Variants in FNIP2 observed in about 807,000 individuals in gnomAD.
The protein encoded by FNIP2 is folliculin interacting protein 2.
A neutral mutation model predicts 108.7 loss-of-function variants in FNIP2; 32 were observed. The observed-to-expected ratio is 0.29, with a 90% CI of 0.22 to 0.40. The LOEUF is 0.40. Among genes scored for constraint, FNIP2 ranks in the 10% least tolerant of loss-of-function variants. FNIP2 has a pLI of 1.00. For synonymous variants in FNIP2, 480 were observed against 496.7 expected, an observed-to-expected ratio of 0.97 and a Z score of 0.45; for missense variants, 1,202 against 1,381.6, an observed-to-expected ratio of 0.87 and a Z score of 2.06.
intron 1 of FNIP2, among the ~76,000 whole-genome samples, chr4:158,802,147 A>T (rs1323721475): frequency 6.6e-6 from 1 of 152,216 alleles, no homozygotes; most frequent in Non-Finnish European, 1.5e-5. Flanking sequence ...GCATCCCATA[A>T]CCTTTTTGTG....
intron 1 of FNIP2, chr4:158,805,984 A>G (rs1776934483): frequency 8.8e-6 from 3 of 341,238 alleles, no homozygotes; most frequent in Non-Finnish European, 9.3e-6. Context: ...TGATAGATGG[A>G]TCTGACTTCC....
At chr4:158,898,021 G>A (rs1459320986) in intron 16 of FNIP2, among the ~76,000 whole-genome samples, 1 of 152,192 alleles carries the variant, frequency 6.6e-6, no homozygotes, top group Non-Finnish European at 1.5e-5. Flanking sequence ...TGTAAAAGGT[G>A]TAATGAAGGG....
intron 5 of FNIP2, 126 bp downstream of exon 5, chr4:158,832,264 G>A (rs374117163): frequency 1.1e-5 from 8 of 720,654 alleles, no homozygotes; most frequent in African/African-American, 5.4e-5. Flanking sequence ...TTAACAAAGG[G>A]GCTTTAAAAG....
chr4:158,770,231 T>C (rs1213196642), intron 1 of FNIP2, among the ~76,000 whole-genome samples: 1 of 152,212 alleles, frequency 6.6e-6, no homozygotes, highest in African/African-American at 2.4e-5. Context: ...TTTCAAGGGC[T>C]AACTTTTAAA....
chr4:158,893,535 T>C (rs1365283013), intron 15 of FNIP2: 1 of 575,854 alleles, frequency 1.7e-6, no homozygotes, highest in Non-Finnish European at 3.1e-6. Context: ...GACAACACCT[T>C]TTTTCCAAAC....
intron 1 of FNIP2, among the ~76,000 whole-genome samples, chr4:158,774,081 CTG>C (rs367588849): frequency 4.6e-5 from 7 of 152,296 alleles, no homozygotes; most frequent in African/African-American, 1.7e-4. Context: ...GACTTCACCA[CTG>C]TGCAATCTAT....
chr4:158,875,246 C>A (rs1293999619), intron 14 of FNIP2, among the ~76,000 whole-genome samples: 1 of 152,046 alleles, frequency 6.6e-6, no homozygotes, highest in Admixed American at 6.5e-5. Context: ...AAAGCATTCA[C>A]TTTTGCTTTG....
At chr4:158,843,163 T>G (rs1194982668) in intron 7 of FNIP2, among the ~76,000 whole-genome samples, 1 of 152,132 alleles carries the variant, frequency 6.6e-6, no homozygotes, top group Non-Finnish European at 1.5e-5. Context: ...CAAACATATA[T>G]AAAAAGTGCT....
intron 1 of FNIP2, among the ~76,000 whole-genome samples, chr4:158,813,530 T>C (rs1400805999): frequency 6.6e-6 from 1 of 152,220 alleles, no homozygotes; most frequent in Non-Finnish European, 1.5e-5. Context: ...CATCAGTTGG[T>C]TTGATTTCTT....
chr4:158,861,199 G>A (rs1780272966), intron 10 of FNIP2, 143 bp from the exon 11 acceptor site: 2 of 1,006,118 alleles, frequency 2.0e-6, no homozygotes, highest in South Asian at 1.8e-5. Context: ...GGGCCATAGT[G>A]TGCAACCCCT....
intron 8 of FNIP2, among the ~76,000 whole-genome samples, chr4:158,855,473 G>A (rs1217016557): frequency 1.3e-5 from 2 of 151,848 alleles, no homozygotes; most frequent in Non-Finnish European, 1.5e-5. Context: ...TTTGAGACGG[G>A]AATCTCACTC....
At chr4:158,884,575 G>A (rs1395224781) in intron 14 of FNIP2, among the ~76,000 whole-genome samples, 1 of 152,132 alleles carries the variant, frequency 6.6e-6, no homozygotes, top group Non-Finnish European at 1.5e-5. Flanking sequence ...TGGCAGGGAA[G>A]GCATTCTGGG....
intron 14 of FNIP2, chr4:158,890,189 A>G (rs765715900): frequency 2.5e-5 from 25 of 985,238 alleles, no homozygotes; most frequent in Non-Finnish European, 3.0e-5. Flanking sequence ...TAAATGTTGA[A>G]CATCAGACTT....
chr4:158,769,647 G>A (rs1177744910), intron 1 of FNIP2, among the ~76,000 whole-genome samples: 16 of 152,208 alleles, frequency 1.1e-4, no homozygotes, highest in Admixed American at 1.0e-3. Flanking sequence ...CCCCTTCCGG[G>A]CAGAGCCGCC....
chr4:158,848,854 A>T (rs1384352750), intron 7 of FNIP2, among the ~76,000 whole-genome samples: 1 of 152,228 alleles, frequency 6.6e-6, no homozygotes, highest in Non-Finnish European at 1.5e-5. Flanking sequence ...TCAAAATTTT[A>T]TATGGCATGG....
At chr4:158,820,790 A>C (rs1201573031) in intron 1 of FNIP2, among the ~76,000 whole-genome samples, 1 of 150,084 alleles carries the variant, frequency 6.7e-6, no homozygotes, top group Non-Finnish European at 1.5e-5. Context: ...TCTTTGTCCA[A>C]AATTTTCTCC....
intron 1 of FNIP2, among the ~76,000 whole-genome samples, chr4:158,770,276 A>G (rs1008813822): frequency 6.6e-6 from 1 of 152,202 alleles, no homozygotes; most frequent in African/African-American, 2.4e-5. Context: ...GCCTTTGAGC[A>G]CAGGTATGTT....
At chr4:158,856,369 G>A (rs1488474627) in intron 8 of FNIP2, among the ~76,000 whole-genome samples, 1 of 152,162 alleles carries the variant, frequency 6.6e-6, no homozygotes, top group Non-Finnish European at 1.5e-5. Context: ...AGATTATTGA[G>A]ATGTACTTAA....
intron 7 of FNIP2, among the ~76,000 whole-genome samples, chr4:158,847,691 G>T (rs1379506086): frequency 6.6e-6 from 1 of 152,124 alleles, no homozygotes; most frequent in East Asian, 1.9e-4. Flanking sequence ...CACCAAGCAG[G>T]CACTTAGGGT....
Sources: gnomAD v4.1 joint callset for allele counts (sites outside exome capture counted in the v4.1 genomes callset) on GRCh38, gnomAD v4.1.1 for gene constraint, MANE v1.5 for transcripts, NCBI Gene and HGNC (gene_info 2026-07-23, HGNC 2026-07-21) for gene names.